The following NR6A1 variants were observed in gnomAD, a reference collection of about 807,000 sequenced individuals.
NR6A1 encodes the protein nuclear receptor subfamily 6 group A member 1, also known as retinoic acid receptor-related testis-associated receptor.
A neutral mutation model predicts 59.1 loss-of-function variants in NR6A1; 7 were observed. The observed-to-expected ratio is 0.12, with a 90% confidence interval of 0.07 to 0.22. The LOEUF is 0.22. NR6A1 is among the 10% of genes least tolerant of loss of function. The pLI is 1.00. For missense variants in NR6A1, 468 were observed against 611.6 expected (o/e 0.77, Z 2.48); for synonymous variants, 243 against 236.1 (o/e 1.03, Z -0.27).
chr9:124,608,642 C>T (rs1003849894), intron 2 of NR6A1, among the ~76,000 whole-genome samples: 1 of 152,066 alleles, frequency 6.6e-6, no homozygotes, highest in Non-Finnish European at 1.5e-5. Flanking sequence ...CATTTATATT[C>T]CTTTGGGTAT....
At chr9:124,585,700 A>ATC (rs1201991533) in intron 2 of NR6A1, among the ~76,000 whole-genome samples, 1 of 152,140 alleles carries the variant, frequency 6.6e-6, no homozygotes, top group Non-Finnish European at 1.5e-5. Flanking sequence ...AGAAGACACC[A>ATC]TCTACGGGCT....
intron 2 of NR6A1, among the ~76,000 whole-genome samples, chr9:124,618,746 G>A (rs1254103770): frequency 2.0e-5 from 3 of 152,144 alleles, no homozygotes; most frequent in African/African-American, 7.2e-5. Context: ...TTTGCCATTT[G>A]TTCACTGCCA....
chr9:124,638,477 T>C (rs748663690), intron 2 of NR6A1, among the ~76,000 whole-genome samples: 1 of 152,114 alleles, frequency 6.6e-6, no homozygotes, highest in South Asian at 2.1e-4. Context: ...GGAGACAAGG[T>C]AGACAGAGTT....
intron 2 of NR6A1, among the ~76,000 whole-genome samples, chr9:124,650,064 T>C (rs1200991231): frequency 6.6e-6 from 1 of 152,150 alleles, no homozygotes; most frequent in Non-Finnish European, 1.5e-5. Context: ...AACTACCATA[T>C]GATCCAGCAA....
chr9:124,524,461 C>T (rs988572552), intron 9 of NR6A1, among the ~76,000 whole-genome samples: 1 of 152,152 alleles, frequency 6.6e-6, no homozygotes, highest in Non-Finnish European at 1.5e-5. Flanking sequence ...CAACCACCAG[C>T]GGAGACTGGT....
Position 124,540,059 on chromosome 9 carries a change from G to A in NR6A1, c.570C>T (p.Pro190=). Residue 190 remains proline, a synonymous_variant, in exon 5 of 10, where the codon CCC becomes CCT. Transcript: ENST00000487099. The stretch of plus-strand genomic sequence containing the variant: ...TGGAAGACAGTGTGGAGCCTGGTGA[G>A]GGCTGGTTGCTCTCCGAAGCCCTGT... The part of the protein sequence containing the change: ...PGNRASESNQ[P]SPGSTLSSSR... 6.2e-7 allele frequency: 1 copy of A among 1,604,264 alleles called. No individual in the cohort carries two copies. Among genetic ancestry groups the A allele is most frequent in the South Asian group, 1.1e-5 (1 of 89,754 alleles).
chr9:124,552,284 T>G (rs1833800618), intron 3 of NR6A1, among the ~76,000 whole-genome samples: 2 of 152,252 alleles, frequency 1.3e-5, no homozygotes, highest in Admixed American at 6.5e-5. Context: ...TGACAGACTC[T>G]TCAGACAGTA....
intron 2 of NR6A1, among the ~76,000 whole-genome samples, chr9:124,597,533 C>G (rs565919989): frequency 6.6e-6 from 1 of 152,166 alleles, no homozygotes; most frequent in East Asian, 1.9e-4. Flanking sequence ...TTTACTGCAC[C>G]AACTTTTGGA....
chr9:124,752,581 G>A (rs1327747800), intron 1 of NR6A1, among the ~76,000 whole-genome samples: 2 of 152,008 alleles, frequency 1.3e-5, no homozygotes, highest in South Asian at 4.1e-4. Flanking sequence ...AAAACTGCTG[G>A]CAATATCTTT....
rs1841142946 is a variant in NR6A1 at position 124,771,060 on chromosome 9, G to T, written c.60C>A (p.Phe20Leu). The T allele has an allele frequency of 8.1e-7, 1 of 1,230,544 alleles. No individual in the cohort carries two copies. The highest frequency in any genetic ancestry group is 1.0e-6 in the Non-Finnish European group (1 of 987,186). The allele number at this position is 1,230,544 out of a possible 1,614,324, so 76.2% of individuals were successfully genotyped here. A position where few individuals can be genotyped will look rare whatever the true frequency, so the allele number is the denominator to read the frequency against. The part of the protein sequence containing the change: ...GGGGGGGSAG[F>L]LEPPAALPPP... ...GAGGGAGCGCGGCGGGAGGCTCCAG[G>T]AACCCCGCCGAGCCCCCGCCGCCTC... The change falls in exon 1 of 10, where the codon TTC becomes TTA. Residue 20 changes from phenylalanine (F) to leucine (L), a missense_variant. Phe to Leu is a conservative substitution (Grantham distance 22, BLOSUM62 0). This residue lies in a region of NR6A1 where 75 missense variants were observed against 65.6 expected (regional missense o/e 1.14). Coordinates refer to ENST00000487099, the MANE Select transcript of NR6A1 (RefSeq NM_033334.4).
chr9:124,534,361 C>T (rs1337939185), intron 7 of NR6A1, among the ~76,000 whole-genome samples: 4 of 152,176 alleles, frequency 2.6e-5, no homozygotes, highest in African/African-American at 7.2e-5. Context: ...GCATGAGCCA[C>T]GTGCCTGGCT....
chr9:124,695,618 C>T (rs918053915), intron 2 of NR6A1, among the ~76,000 whole-genome samples: 1 of 152,158 alleles, frequency 6.6e-6, no homozygotes, highest in Non-Finnish European at 1.5e-5. Flanking sequence ...GATCCGCCCG[C>T]CTCGGCCGCC....
In NR6A1 at chr9:124,715,000, C is replaced by T. The variant is rs1174377807; in HGVS notation, c.142+18308G>A. Among the ~76,000 whole-genome samples the T allele has an allele frequency of 2.0e-5, 3 of 151,986 alleles. No homozygotes were observed. The South Asian group carries it at 6.2e-4, about 31-fold the overall frequency. On this transcript the variant is annotated intron_variant, in intron 2 of 9. Transcript: ENST00000487099. ...AGTTCACAAGGTCAAGAGATCGACA[C>T]CATCCTGACCAACATGGTAAAACCC...
chr9:124,716,820 C>T (rs1427886822), intron 2 of NR6A1, among the ~76,000 whole-genome samples: 4 of 152,038 alleles, frequency 2.6e-5, no homozygotes, highest in Non-Finnish European at 4.4e-5. Context: ...TTAGTAGAGA[C>T]GGGGTTTCGC....
intron 2 of NR6A1, among the ~76,000 whole-genome samples, chr9:124,705,051 T>G (rs1325689920): frequency 6.6e-6 from 1 of 152,242 alleles, no homozygotes; most frequent in African/African-American, 2.4e-5. Flanking sequence ...AAAAGTATTT[T>G]AAAATTTGCC....
At chr9:124,671,880 T>C (rs1219668329) in intron 2 of NR6A1, among the ~76,000 whole-genome samples, 1 of 152,226 alleles carries the variant, frequency 6.6e-6, no homozygotes, top group Admixed American at 6.5e-5. Flanking sequence ...AACGAACTTT[T>C]ACAAAGTGAA....
At chr9:124,682,324 A>C (rs1838192253) in intron 2 of NR6A1, among the ~76,000 whole-genome samples, 1 of 152,212 alleles carries the variant, frequency 6.6e-6, no homozygotes, top group Non-Finnish European at 1.5e-5. Flanking sequence ...AAAACTACCA[A>C]GTATTAAGAT....
intron 1 of NR6A1, among the ~76,000 whole-genome samples, chr9:124,748,178 T>C (rs1185945701): frequency 6.6e-6 from 1 of 152,192 alleles, no homozygotes; most frequent in African/African-American, 2.4e-5. Context: ...CTTGCTTCAG[T>C]ATTAATAAGC....
chr9:124,557,650 G>A (rs1344732025), intron 2 of NR6A1, among the ~76,000 whole-genome samples: 1 of 152,044 alleles, frequency 6.6e-6, no homozygotes, highest in African/African-American at 2.4e-5. Flanking sequence ...AATTAAAACA[G>A]GTAAGGCCAA....
Sources: gnomAD v4.1 joint callset for allele counts (sites outside exome capture counted in the v4.1 genomes callset) on GRCh38, gnomAD v4.1.1 for gene constraint, gnomAD v4.1.1 regional missense constraint, MANE v1.5 for transcripts, NCBI Gene and HGNC (gene_info 2026-07-23, HGNC 2026-07-21) for gene names.